The following TJP1 variants were observed in gnomAD, a reference collection of about 807,000 sequenced individuals.
TJP1 encodes tight junction protein 1.
TJP1 carries 43 observed loss-of-function variants against 194.2 expected under a neutral mutation model. That is an observed-to-expected ratio of 0.22 (90% CI 0.17 to 0.29). The LOEUF is 0.29. Ranked by LOEUF, TJP1 falls within the 10% of genes least tolerant of loss-of-function variation. The probability of loss-of-function intolerance (pLI) is 1.00; values close to 1 mark genes in which losing one functional copy is unlikely to be tolerated. For missense variants in TJP1, 1,971 were observed against 2,185.7 expected, an observed-to-expected ratio of 0.90 and a Z score of 1.96; for synonymous variants, 801 against 779.0, an observed-to-expected ratio of 1.03 and a Z score of -0.47.
chr15:29,959,063 C>T (rs1469871607), intron 1 of TJP1, among the ~76,000 whole-genome samples: 1 of 151,726 alleles, frequency 6.6e-6, no homozygotes, highest in East Asian at 1.9e-4. Flanking sequence ...GATCTCACCT[C>T]ACTGCAAGCT....
In TJP1 at chr15:29,868,665, C is replaced by T. The variant is rs528528985; in HGVS notation, c.307-67963G>A. Among the ~76,000 whole-genome samples the T allele has an allele frequency of 3.3e-5, 5 of 152,248 alleles. No homozygotes were observed. The East Asian group carries it at 7.7e-4, about 24-fold the overall frequency. On this transcript the variant is annotated intron_variant, in intron 2 of 28. Transcript: ENST00000356107. ...ATGGCGCTGGTATCCACTGGGTTCCCGTATTTCTTAAGAAAATGAACCCTC... is the reference window on the plus strand; with the variant it reads ...ATGGCGCTGGTATCCACTGGGTTCCTGTATTTCTTAAGAAAATGAACCCTC...
At chr15:29,873,902 G>C (rs1365746973) in intron 2 of TJP1, among the ~76,000 whole-genome samples, 1 of 152,164 alleles carries the variant, frequency 6.6e-6, no homozygotes, top group African/African-American at 2.4e-5. Context: ...CTGAGAACAA[G>C]AAGTACGTGA....
chr15:29,876,036 CT>C (rs1451932664), intron 2 of TJP1, among the ~76,000 whole-genome samples: 1 of 152,198 alleles, frequency 6.6e-6, no homozygotes, highest in Non-Finnish European at 1.5e-5. Flanking sequence ...AAAATCTGCT[CT>C]TCAGACACAC....
intron 2 of TJP1, among the ~76,000 whole-genome samples, chr15:29,781,468 T>C (rs1209695151): frequency 1.3e-5 from 2 of 152,198 alleles, no homozygotes; most frequent in East Asian, 1.9e-4. Context: ...ACTCATTCTA[T>C]GAGGTCAGCA....
chr15:29,891,745 C>A (rs929034495), intron 2 of TJP1, among the ~76,000 whole-genome samples: 1 of 152,136 alleles, frequency 6.6e-6, no homozygotes, highest in African/African-American at 2.4e-5. Context: ...AAGATGGCAG[C>A]CTTAATCTAC....
intron 2 of TJP1, among the ~76,000 whole-genome samples, chr15:29,878,138 C>CT (rs2052779025): frequency 6.6e-6 from 1 of 152,184 alleles, no homozygotes; most frequent in African/African-American, 2.4e-5. Flanking sequence ...CAAGCTCCGC[C>CT]TCCCAGGATC....
intron 2 of TJP1, among the ~76,000 whole-genome samples, chr15:29,888,514 C>A (rs1356210131): frequency 6.6e-6 from 1 of 151,898 alleles, no homozygotes; most frequent in Non-Finnish European, 1.5e-5. Context: ...TTTTTCCAAC[C>A]AAAATAAAGT....
chr15:29,918,400 A>G (rs2054252978), intron 2 of TJP1, among the ~76,000 whole-genome samples: 2 of 152,166 alleles, frequency 1.3e-5, no homozygotes, highest in South Asian at 4.1e-4. Flanking sequence ...AACGTTAAAG[A>G]CAGAAACCAA....
At position 29,964,216 on chromosome 15, in the gene TJP1, T is replaced by C. The variant is rs541943004; in HGVS notation, c.173+4451A>G. ...CTAAATCCAATGACAAGTGTCCTTA[T>C]AAGAGACAGAGGAATAAGGAAGCAA... On this transcript the variant is annotated intron_variant, in intron 1 of 28. Transcript: ENST00000356107. 2.4e-3 allele frequency among the ~76,000 whole-genome samples: 363 copies of C among 152,178 alleles called. 1 individual carries two copies. Among genetic ancestry groups the C allele is most frequent in the African/African-American group, 8.5e-3 (352 of 41,516 alleles).
chr15:29,766,720 C>T (rs1045456864), intron 4 of TJP1, among the ~76,000 whole-genome samples, 178 bp from the exon 5 acceptor site: 2 of 152,186 alleles, frequency 1.3e-5, no homozygotes, highest in African/African-American at 4.8e-5. Context: ...GCTGTGTTTT[C>T]TGTTCTCCTG....
At chr15:29,818,037 A>T (rs1047749237) in intron 1 of TJP1, among the ~76,000 whole-genome samples, 3 of 152,092 alleles carry the variant, frequency 2.0e-5, no homozygotes, top group African/African-American at 7.2e-5. Context: ...ACTGTGCTCC[A>T]CTTGATACAA....
rs201788746 is a variant in TJP1, at chr15:29,856,904, CT to C, written c.307-56203del. On this transcript the variant is annotated intron_variant, in intron 2 of 28. Transcript: ENST00000356107. ...TGCATCTGTACCAAACATGTACAAACTTTTTTTCTTGTCACTATCCCCTAAA... is the reference window on the plus strand; with the variant it reads ...TGCATCTGTACCAAACATGTACAAACTTTTTTCTTGTCACTATCCCCTAAA... 3.5e-3 allele frequency among the ~76,000 whole-genome samples: 531 copies of C among 151,692 alleles called. 14 individuals are homozygous for C. The highest frequency in any genetic ancestry group is 0.023 in the Admixed American group (349 of 15,234).
rs2041480853 is a variant in TJP1 at position 29,700,623 on chromosome 15, C to T, written c.*972G>A. On this transcript the variant is annotated 3_prime_UTR_variant, in exon 28 of 28. Coordinates refer to ENST00000614355, the MANE Select transcript of TJP1 (RefSeq NM_001330239.4). ...TAAAAGTTAATTTACAAACCAAGAA[C>T]AAAAGTGGTATGCACGCATTATGTA... The T allele has an allele frequency of 1.1e-5, 4 of 349,848 alleles. No individual in the cohort carries two copies. Among genetic ancestry groups the T allele is most frequent in the Non-Finnish European group, 1.5e-5 (3 of 198,972 alleles). 21.7% of individuals were successfully genotyped at this position (349,848 alleles called of 1,614,324 possible).
intron 2 of TJP1, among the ~76,000 whole-genome samples, chr15:29,925,372 G>A (rs7166018): frequency 0.018 from 2,757 of 152,290 alleles, 79 homozygotes; most frequent in African/African-American, 0.058. Context: ...TGAGGACTGA[G>A]GACAGAGGGC....
rs193285221 is a variant in TJP1 at position 29,774,641 on chromosome 15, T to C, written c.85-1284A>G. On this transcript the variant is annotated intron_variant, in intron 2 of 27. Transcript: ENST00000614355. The stretch of plus-strand genomic sequence containing the variant: ...ATAATTCAATGGGAGGTGTTTTTTT[T>C]TTCCCCAGTAATGAAAATGTTTTAA... Among the ~76,000 whole-genome samples the C allele has an allele frequency of 4.0e-3, 607 of 152,148 alleles. 5 individuals carry two copies. Among genetic ancestry groups the C allele is most frequent in the Admixed American group, 6.6e-3 (101 of 15,286 alleles).
At chr15:29,817,702 G>A (rs1021510959) in intron 1 of TJP1, among the ~76,000 whole-genome samples, 2 of 152,156 alleles carry the variant, frequency 1.3e-5, no homozygotes, top group Non-Finnish European at 2.9e-5. Context: ...GACGAAGCTG[G>A]AAGCTATCAT....
chr15:29,701,496 A>G lies in TJP1; in HGVS notation c.*99T>C, dbSNP rs2041537709. On this transcript the variant is annotated 3_prime_UTR_variant, in exon 28 of 28. Coordinates refer to ENST00000614355, the MANE Select transcript of TJP1 (RefSeq NM_001330239.4). ...CAAATGCCTCATACTAACAAACTGT[A>G]GTATCAACTCTAAAAAAGGTATAAT... is the stretch of plus-strand genomic sequence containing the variant. The G allele has an allele frequency of 1.1e-6, 1 of 925,010 alleles. No homozygotes were observed. Among genetic ancestry groups the G allele is most frequent in the Non-Finnish European group, 1.7e-6 (1 of 598,444 alleles). The allele number at this position is 925,010 out of a possible 1,614,324, so 57.3% of individuals were successfully genotyped here.
chr15:29,719,243 G>A, intron 20 of TJP1, 105 bp from the exon 21 acceptor site: 1 of 1,300,256 alleles, frequency 7.7e-7, no homozygotes, highest in Middle Eastern at 2.5e-4. Flanking sequence ...TGTGAAAATG[G>A]TATGTTTTAC....
Position 29,934,191 on chromosome 15 carries a change from G to A in TJP1, c.306+22041C>T, listed in dbSNP as rs143706781. ...AGAAACTCCGGTTTCCTTAAAATAA[G>A]CAAAATATTCATTTGTTTTGATATT... On this transcript the variant is annotated intron_variant, in intron 2 of 28. Coordinates refer to the TJP1 transcript ENST00000356107. 1.6e-3 allele frequency among the ~76,000 whole-genome samples: 242 copies of A among 152,210 alleles called. 1 individual carries two copies. Among genetic ancestry groups the A allele is most frequent in the African/African-American group, 5.6e-3 (231 of 41,544 alleles).
Sources: allele counts gnomAD v4.1 joint callset (sites outside exome capture counted in the v4.1 genomes callset), GRCh38; gene constraint gnomAD v4.1.1; transcripts MANE v1.5; gene names NCBI Gene and HGNC (gene_info 2026-07-23, HGNC 2026-07-21).